The following HERC1 variants were observed in gnomAD, a reference collection of about 807,000 sequenced individuals.
HERC1 encodes the protein probable E3 ubiquitin-protein ligase HERC1.
HERC1 carries 160 observed loss-of-function variants against 554.3 expected under a neutral mutation model. The observed-to-expected ratio is 0.29, with a 90% CI of 0.25 to 0.33. The LOEUF (loss-of-function observed/expected upper bound fraction) is 0.33, where lower values mean the gene tolerates loss of function less well. HERC1 is among the 10% of genes least tolerant of loss of function. The pLI, the probability that HERC1 is intolerant of heterozygous loss-of-function variation, is 1.00. For synonymous variants in HERC1, 2,175 were observed against 2,131.7 expected, an observed-to-expected ratio of 1.02 and a Z score of -0.56; for missense variants, 4,919 against 5,918.5, an observed-to-expected ratio of 0.83 and a Z score of 5.54.
At chr15:63,776,655 A>G (rs2076125629) in intron 1 of HERC1, among the ~76,000 whole-genome samples, 1 of 152,182 alleles carries the variant, frequency 6.6e-6, no homozygotes, top group Non-Finnish European at 1.5e-5. Flanking sequence ...TGTGGAATAC[A>G]CAGGTTGCGC....
chr15:63,786,864 G>A (rs986457290), intron 1 of HERC1, among the ~76,000 whole-genome samples: 1 of 151,684 alleles, frequency 6.6e-6, no homozygotes, highest in East Asian at 1.9e-4. Context: ...CCACTAAATC[G>A]CTCACTTTAA....
chr15:63,739,504 G>A (rs1214912143), intron 12 of HERC1, among the ~76,000 whole-genome samples: 1 of 151,658 alleles, frequency 6.6e-6, no homozygotes, highest in Non-Finnish European at 1.5e-5. Context: ...GCCCACTAAG[G>A]TATTGCTATG....
intron 73 of HERC1, 39 bp from the exon 74 acceptor site, chr15:63,622,930 T>A: frequency 7.6e-7 from 1 of 1,311,854 alleles, no homozygotes; most frequent in Non-Finnish European, 1.1e-6. Flanking sequence ...GAAATGACAA[T>A]CAAATGCATG....
Position 63,700,922 on chromosome 15 carries a change from C to T in HERC1, c.4637-1926G>A, listed in dbSNP as rs181076096. On this transcript the variant is annotated intron_variant, in intron 25 of 77. Transcript: ENST00000443617. ...TAGAGGCTAATGTAAAAAATATATA[C>T]ATTCTTTTTTCATTTCCTTAAAGCA... Among the ~76,000 whole-genome samples the T allele has an allele frequency of 1.8e-4, 28 of 151,814 alleles. 1 individual carries two copies. Among genetic ancestry groups the T allele is most frequent in the Admixed American group, 1.6e-3 (25 of 15,248 alleles).
chr15:63,782,550 G>C (rs1402824492), intron 1 of HERC1, among the ~76,000 whole-genome samples: 1 of 152,196 alleles, frequency 6.6e-6, no homozygotes, highest in Non-Finnish European at 1.5e-5. Flanking sequence ...CTCTACTGGA[G>C]ATGTACAAGG....
Position 63,638,744 on chromosome 15 carries a change from T to C in HERC1, c.11934A>G (p.Glu3978=). 6.2e-7 allele frequency: 1 copy of C among 1,613,716 alleles called. No homozygotes were observed. The highest frequency in any genetic ancestry group is 8.5e-7 in the Non-Finnish European group (1 of 1,179,610). The change falls in exon 62 of 78, where the codon GAA becomes GAG. Residue 3978 remains glutamate (E), a synonymous_variant. Transcript: ENST00000443617. ...TGGAAGTTGCCCAAGACATAATTTG[T>C]TCATCCATGCCGTTAATCCATTTAC... ...DNSKWINGMD[E]QIMSWATSRP...
At position 63,608,716 on chromosome 15, in the gene HERC1, T is replaced by A. The variant is rs144013522; in HGVS notation, c.*365A>T. ...ATATATGAATATTCATGTAAAACTG[T>A]CCTTTCTAATGAACAATTATACACA... On this transcript the variant is annotated 3_prime_UTR_variant, in exon 78 of 78. Transcript: ENST00000443617. The A allele has an allele frequency of 1.2e-5, 2 of 160,604 alleles. No individual in the cohort carries two copies. Among genetic ancestry groups the A allele is most frequent in the East Asian group, 3.6e-4 (2 of 5,486 alleles). The allele number at this position is 160,604 out of a possible 1,614,324, so 9.9% of individuals were successfully genotyped here. A position where few individuals can be genotyped will look rare whatever the true frequency, so the allele number is the denominator to read the frequency against.
intron 1 of HERC1, among the ~76,000 whole-genome samples, chr15:63,832,842 T>C (rs2078203627): frequency 1.3e-5 from 2 of 152,224 alleles, no homozygotes; most frequent in South Asian, 4.1e-4. Flanking sequence ...AAAATGTGTC[T>C]GTTAGGAAAT....
At position 63,655,933 on chromosome 15, in the gene HERC1, C is replaced by T. The variant is rs1359825078; in HGVS notation, c.9893G>A (p.Gly3298Asp). 1 of 1,612,604 alleles carries T rather than the reference C, an allele frequency of 6.2e-7. No homozygotes were observed. Residue 3298 changes from glycine (G) to aspartate (D), a missense_variant, in exon 50 of 78, where the codon GGT (glycine) becomes GAT (aspartate). Transcript: ENST00000443617. Reference protein sequence around the residue: ...CTQNLISAATGVNLTTVDDSI... With the variant: ...CTQNLISAATDVNLTTVDDSI... Reference sequence around the variant, plus strand: ...GTCATCAACTGTGGTTAGATTTACACCTGTTGCAGCAGAAATCAAGTTCTG... The same window carrying T: ...GTCATCAACTGTGGTTAGATTTACATCTGTTGCAGCAGAAATCAAGTTCTG...
chr15:63,754,008 T>TA (rs35714507), intron 7 of HERC1, among the ~76,000 whole-genome samples: 3 of 151,670 alleles, frequency 2.0e-5, no homozygotes, highest in Non-Finnish European at 2.9e-5. Context: ...ATCCTGTCTC[T>TA]AAAAAAAATA....
Position 63,755,335 on chromosome 15 carries a change from A to G in HERC1, c.1534-10T>C, listed in dbSNP as rs373223059. The G allele has an allele frequency of 4.1e-5, 65 of 1,598,028 alleles. No homozygotes were observed. Among genetic ancestry groups the G allele is most frequent in the Middle Eastern group, 3.3e-4 (2 of 6,026 alleles). On this transcript the variant is annotated splice_polypyrimidine_tract_variant and intron_variant, in intron 5 of 77. Coordinates refer to ENST00000443617, the MANE Select transcript of HERC1 (RefSeq NM_003922.4). ...ACACACAAACAACTACCTGCATTGC[A>G]CACAAGTAAATACGATGAGTATGCA...
intron 22 of HERC1, among the ~76,000 whole-genome samples, chr15:63,714,656 C>T (rs1364519891): frequency 5.6e-5 from 8 of 143,088 alleles, no homozygotes; most frequent in Non-Finnish European, 4.5e-5. Context: ...TCAAGCGATT[C>T]TCCTGCCTCA....
intron 19 of HERC1, among the ~76,000 whole-genome samples, chr15:63,720,165 G>C (rs2073757070): frequency 7.7e-6 from 1 of 129,690 alleles, no homozygotes; most frequent in African/African-American, 3.0e-5. Flanking sequence ...GTGCAGTGGT[G>C]GCTACATAGC....
At chr15:63,765,550 C>T (rs1462655398) in intron 2 of HERC1, among the ~76,000 whole-genome samples, 1 of 152,124 alleles carries the variant, frequency 6.6e-6, no homozygotes, top group Non-Finnish European at 1.5e-5. Flanking sequence ...AAGCCTGCTA[C>T]TTGGAGGCTT....
At chr15:63,633,789 C>T in intron 67 of HERC1, 59 bp downstream of exon 67, 1 of 1,539,912 alleles carries the variant, frequency 6.5e-7, no homozygotes, top group South Asian at 1.2e-5. Flanking sequence ...ATAATAACTA[C>T]TGACATAGAT....
At chr15:63,634,653 C>A (rs1026508148) in intron 66 of HERC1, 80 bp downstream of exon 66, 6 of 1,190,950 alleles carry the variant, frequency 5.0e-6, no homozygotes, top group African/African-American at 4.6e-5. Flanking sequence ...TGATCCTGAT[C>A]TTCCTGAGGG....
intron 40 of HERC1, among the ~76,000 whole-genome samples, chr15:63,668,667 A>C (rs78857043): frequency 0.14 from 22,020 of 152,224 alleles, 2,156 homozygotes; most frequent in Middle Eastern, 0.21. Context: ...CAGGGCAAAA[A>C]AATATCACCA....
intron 24 of HERC1, among the ~76,000 whole-genome samples, chr15:63,710,285 C>T (rs1042841792): frequency 1.3e-5 from 2 of 152,012 alleles, no homozygotes; most frequent in African/African-American, 4.8e-5. Context: ...ATGTGTGTTT[C>T]CAAGAGTTCT....
At chr15:63,737,547 A>ATATATATATATATT (rs386383264) in intron 12 of HERC1, among the ~76,000 whole-genome samples, 1 of 40,558 alleles carries the variant, frequency 2.5e-5, no homozygotes, top group Admixed American at 2.4e-4. Flanking sequence ...ATATATATAT[A>ATATATATATATATT]TCTTTTTTTT....
Sources: gnomAD v4.1 joint callset for allele counts (sites outside exome capture counted in the v4.1 genomes callset) on GRCh38, gnomAD v4.1.1 for gene constraint, MANE v1.5 for transcripts, NCBI Gene and HGNC (gene_info 2026-07-23, HGNC 2026-07-21) for gene names.